The following HRH1 variants were observed in gnomAD, a reference collection of about 807,000 sequenced individuals.
HRH1 encodes histamine H1 receptor.
HRH1 carries 6 observed loss-of-function variants against 10.3 expected under a neutral mutation model. The ratio of observed to expected loss-of-function variants is 0.58; its 90% CI spans 0.32 to 1.15. HRH1 has a LOEUF of 1.15. Among genes scored for constraint, HRH1 ranks in the 50% most tolerant of loss-of-function variants. The pLI is 0.05. For synonymous variants in HRH1, 242 were observed against 236.7 expected (o/e 1.02, Z -0.21); for missense variants, 514 against 615.3 (o/e 0.84, Z 1.74).
intron 1 of HRH1, among the ~76,000 whole-genome samples, chr3:11,197,002 G>A (rs1937683248): frequency 6.7e-6 from 1 of 149,934 alleles, no homozygotes; most frequent in Non-Finnish European, 1.5e-5. Context: ...GTGGGCGCCT[G>A]TAGTCCCAGC....
At chr3:11,191,567 C>T (rs1222392668) in intron 1 of HRH1, among the ~76,000 whole-genome samples, 1 of 152,166 alleles carries the variant, frequency 6.6e-6, no homozygotes, top group Non-Finnish European at 1.5e-5. Flanking sequence ...AACTGTCTGA[C>T]CTTCATATGC....
chr3:11,164,077 A>G (rs986710659), intron 1 of HRH1, among the ~76,000 whole-genome samples: 7 of 152,214 alleles, frequency 4.6e-5, no homozygotes, highest in African/African-American at 1.7e-4. Context: ...GAATGAATGA[A>G]TGAATGAGTG....
At chr3:11,183,627 A>G (rs1452535390) in intron 1 of HRH1, among the ~76,000 whole-genome samples, 1 of 152,004 alleles carries the variant, frequency 6.6e-6, no homozygotes, top group Non-Finnish European at 1.5e-5. Flanking sequence ...CATGTACATG[A>G]GGGTGAATCC....
chr3:11,259,931 C>T lies in HRH1; in HGVS notation c.894C>T (p.Asp298=). Residue 298 remains aspartate (D), a synonymous_variant, in exon 2 of 2, where the codon GAC becomes GAT. Transcript: ENST00000431010. The surrounding 1 kb of genome is among the most constrained non-coding windows in gnomAD (Gnocchi z 4.6). The part of the protein sequence containing the change: ...VFSQEDDREV[D]KLYCFPLDIV... ...GCCAAGAGGATGATAGAGAAGTAGA[C>T]AAACTCTACTGCTTTCCACTTGATA... The T allele has an allele frequency of 6.2e-7, 1 of 1,614,170 alleles. No individual in the cohort carries two copies.
At chr3:11,163,619 C>A (rs550693438) in intron 1 of HRH1, among the ~76,000 whole-genome samples, 7 of 152,282 alleles carry the variant, frequency 4.6e-5, no homozygotes, top group African/African-American at 1.7e-4. Flanking sequence ...TGAGGCCTCA[C>A]CCCTATAAGG....
In HRH1 at chr3:11,182,005, C is replaced by T. The variant is rs28666063; in HGVS notation, c.-36+27451C>T. Among the ~76,000 whole-genome samples the T allele has an allele frequency of 4.5e-3, 684 of 151,912 alleles. 27 individuals are homozygous for T. In the East Asian group the frequency reaches 0.081, roughly 18 times the overall value. On this transcript the variant is annotated intron_variant, in intron 1 of 1. Coordinates refer to ENST00000431010, the MANE Select transcript of HRH1 (RefSeq NM_001098212.2). Reference sequence around the variant, plus strand: ...AATTCTTTCTTTTATGTTTCTGAGGCGGAGTCTTGCTCTGTCACCCAGGCT... The same window carrying T: ...AATTCTTTCTTTTATGTTTCTGAGGTGGAGTCTTGCTCTGTCACCCAGGCT...
At chr3:11,146,800 TG>T (rs747139592) in intron 1 of HRH1, among the ~76,000 whole-genome samples, 1 of 152,222 alleles carries the variant, frequency 6.6e-6, no homozygotes, top group Non-Finnish European at 1.5e-5. Context: ...CAGAATTCTC[TG>T]TGTCCTGGCA....
intron 1 of HRH1, among the ~76,000 whole-genome samples, chr3:11,214,422 G>T (rs773624653): frequency 7.3e-4 from 111 of 152,298 alleles, no homozygotes; most frequent in Middle Eastern, 3.4e-3. Flanking sequence ...CTCTGAATGG[G>T]ATATCACATC....
At chr3:11,166,337 C>T (rs1190414906) in intron 1 of HRH1, among the ~76,000 whole-genome samples, 1 of 152,220 alleles carries the variant, frequency 6.6e-6, no homozygotes, top group Non-Finnish European at 1.5e-5. Flanking sequence ...TTCCCCGGTC[C>T]ATGCACATAC....
upstream of HRH1, among the ~76,000 whole-genome samples, chr3:11,150,870 A>G (rs920400052): frequency 6.6e-6 from 1 of 152,246 alleles, no homozygotes; most frequent in African/African-American, 2.4e-5. Context: ...GTTACCGAGC[A>G]TCTACCAGAG....
At chr3:11,176,043 C>A (rs1297220147) in intron 1 of HRH1, among the ~76,000 whole-genome samples, 1 of 151,860 alleles carries the variant, frequency 6.6e-6, no homozygotes, top group Non-Finnish European at 1.5e-5. Context: ...CATGGTGGTA[C>A]ACACCTGTAG....
chr3:11,234,936 C>T (rs1939136416), intron 1 of HRH1, among the ~76,000 whole-genome samples: 2 of 152,078 alleles, frequency 1.3e-5, no homozygotes, highest in Non-Finnish European at 2.9e-5. Flanking sequence ...AATGTTTTGG[C>T]CGGGTACGGT....
At chr3:11,157,678 A>G (rs1398630833) in intron 1 of HRH1, among the ~76,000 whole-genome samples, 1 of 152,206 alleles carries the variant, frequency 6.6e-6, no homozygotes, top group African/African-American at 2.4e-5. Flanking sequence ...TCCAGTGATA[A>G]TGCAGGGGGA....
chr3:11,207,239 T>C (rs565039817), intron 1 of HRH1, among the ~76,000 whole-genome samples: 1 of 152,016 alleles, frequency 6.6e-6, no homozygotes, highest in South Asian at 2.1e-4. Flanking sequence ...AGGCAGAACT[T>C]ACTAGAGGTT....
chr3:11,183,749 G>A (rs758164038), intron 1 of HRH1, among the ~76,000 whole-genome samples: 83 of 149,642 alleles, frequency 5.5e-4, no homozygotes, highest in Non-Finnish European at 9.1e-4. Context: ...AAGGAGTCTC[G>A]CTCTGTCGCC....
At chr3:11,247,386 A>C (rs889252089) in intron 1 of HRH1, among the ~76,000 whole-genome samples, 1 of 152,160 alleles carries the variant, frequency 6.6e-6, no homozygotes, top group Admixed American at 6.6e-5. Flanking sequence ...CACACTGAGC[A>C]GGGTAGGGCA....
At chr3:11,137,622 T>G (rs958365786) in intron 1 of HRH1, among the ~76,000 whole-genome samples, 1 of 152,112 alleles carries the variant, frequency 6.6e-6, no homozygotes, top group African/African-American at 2.4e-5. Context: ...CTGTGATGGC[T>G]GATTGGATGG....
intron 1 of HRH1, among the ~76,000 whole-genome samples, chr3:11,185,430 G>A (rs1273801635): frequency 6.6e-6 from 1 of 152,124 alleles, no homozygotes; most frequent in African/African-American, 2.4e-5. Context: ...GGCACTGCAG[G>A]GTAATTATTT....
intron 1 of HRH1, among the ~76,000 whole-genome samples, chr3:11,182,260 G>A: frequency 6.6e-6 from 1 of 152,168 alleles, no homozygotes; most frequent in East Asian, 1.9e-4. Context: ...GGGATTACAA[G>A]TGTGAGCCAC....
Sources: allele counts gnomAD v4.1 joint callset (sites outside exome capture counted in the v4.1 genomes callset), GRCh38; gene constraint gnomAD v4.1.1; non-coding constraint Gnocchi (gnomAD v3.1); transcripts MANE v1.5; gene names NCBI Gene and HGNC (gene_info 2026-07-23, HGNC 2026-07-21).